Variants in ADGRV1 observed in about 807,000 individuals in gnomAD.
ADGRV1 encodes the protein G-protein coupled receptor 98.
A neutral mutation model predicts 596.2 loss-of-function variants in ADGRV1; 359 were observed. The observed-to-expected ratio is 0.60, with a 90% CI of 0.55 to 0.66. The LOEUF is 0.66. Ranked by LOEUF, ADGRV1 falls within the 30% of genes least tolerant of loss-of-function variation. The probability of loss-of-function intolerance (pLI) is 0.00; values close to 1 mark genes in which losing one functional copy is unlikely to be tolerated. For synonymous variants in ADGRV1, 2,681 were observed against 2,679.2 expected, an observed-to-expected ratio of 1.00 and a Z score of -0.02; for missense variants, 7,274 against 7,575.6, an observed-to-expected ratio of 0.96 and a Z score of 1.48.
At chr5:91,025,407 T>A (rs963177846) in intron 85 of ADGRV1, among the ~76,000 whole-genome samples, 1 of 152,030 alleles carries the variant, frequency 6.6e-6, no homozygotes, top group African/African-American at 2.4e-5. Context: ...ATTATCAAAA[T>A]AGATGCATAA....
chr5:90,593,003 G>A (rs1227763890), intron 1 of ADGRV1, among the ~76,000 whole-genome samples: 1 of 152,200 alleles, frequency 6.6e-6, no homozygotes. Flanking sequence ...TTTGATGGGA[G>A]TGTAAATTAG....
intron 37 of ADGRV1, among the ~76,000 whole-genome samples, chr5:90,706,005 A>G (rs1045105847): frequency 1.3e-5 from 2 of 152,168 alleles, no homozygotes; most frequent in Non-Finnish European, 2.9e-5. Context: ...AAAACAAGTC[A>G]CATATCCAAA....
At chr5:90,824,327 A>T (rs1305985132) in intron 76 of ADGRV1, among the ~76,000 whole-genome samples, 1 of 152,190 alleles carries the variant, frequency 6.6e-6, no homozygotes, top group Admixed American at 6.5e-5. Context: ...TTTTTCCCTG[A>T]TGTAAGACAG....
chr5:91,143,745 TGG>T (rs1487288903), intron 87 of ADGRV1, among the ~76,000 whole-genome samples: 4 of 152,124 alleles, frequency 2.6e-5, no homozygotes, highest in Non-Finnish European at 4.4e-5. Context: ...AGCTTGAAGG[TGG>T]GGCCTCAACA....
intron 83 of ADGRV1, among the ~76,000 whole-genome samples, chr5:90,885,911 A>G (rs908427993): frequency 1.3e-5 from 2 of 151,820 alleles, no homozygotes; most frequent in African/African-American, 2.4e-5. Context: ...GAAGGGAGGG[A>G]AGGAGGGTGG....
chr5:90,935,168 A>G (rs1054771575), intron 83 of ADGRV1, among the ~76,000 whole-genome samples: 1 of 152,224 alleles, frequency 6.6e-6, no homozygotes, highest in African/African-American at 2.4e-5. Flanking sequence ...CAGTGAAAGT[A>G]TTAAGCATAT....
chr5:90,651,904 A>G (rs939451962), intron 18 of ADGRV1, among the ~76,000 whole-genome samples, 174 bp downstream of exon 18: 1 of 150,200 alleles, frequency 6.7e-6, no homozygotes, highest in Non-Finnish European at 1.5e-5. Flanking sequence ...CTTATCTTCA[A>G]AAAAAAAAAT....
intron 83 of ADGRV1, among the ~76,000 whole-genome samples, chr5:90,956,478 C>G (rs1777489820): frequency 6.6e-6 from 1 of 152,164 alleles, no homozygotes; most frequent in Admixed American, 6.5e-5. Context: ...TAATTATGTT[C>G]ACTCCAGATA....
rs1379789287 is a variant in ADGRV1 at position 90,651,584 on chromosome 5, C to CT, written c.3290-16dup. The CT allele has an allele frequency of 5.6e-6, 8 of 1,430,620 alleles. No individual in the cohort carries two copies. The African/African-American group carries it at 8.6e-5, about 15-fold the overall frequency. The allele number at this position is 1,430,620 out of a possible 1,614,324, so 88.6% of individuals were successfully genotyped here. A position where few individuals can be genotyped will look rare whatever the true frequency, so the allele number is the denominator to read the frequency against. On this transcript the variant is annotated intron_variant, in intron 17 of 89. Transcript: ENST00000405460. ...GTTAGCTACTTCTTTGTTATTTTGT[C>CT]TTTTCCACTTTTAATTTAGGTGATA...
intron 84 of ADGRV1, among the ~76,000 whole-genome samples, chr5:90,984,263 C>T (rs1262621975): frequency 6.6e-6 from 1 of 152,050 alleles, no homozygotes; most frequent in Non-Finnish European, 1.5e-5. Flanking sequence ...CTCTTTCTAC[C>T]ATACAAAATT....
chr5:91,153,103 G>A lies in ADGRV1; in HGVS notation c.18625-118G>A. The stretch of plus-strand genomic sequence containing the variant: ...GGTCTAGTTTCAAAACAATGCCACT[G>A]CCGTTTAGCAAGGTCTTTGTACGGA... On this transcript the variant is annotated intron_variant, in intron 88 of 89. Coordinates refer to ENST00000405460, the MANE Select transcript of ADGRV1 (RefSeq NM_032119.4). The A allele has an allele frequency of 4.1e-6, 3 of 732,210 alleles. 1 individual carries two copies. The South Asian group carries it at 6.1e-5, about 15-fold the overall frequency. 45.4% of individuals were successfully genotyped at this position (732,210 alleles called of 1,614,324 possible).
At position 90,684,124 on chromosome 5, in the gene ADGRV1, C is replaced by A. The variant is rs762362349; in HGVS notation, c.6203C>A (p.Pro2068Gln). ...IAISILDDDE[P>Q]ERSESVFIEL... The stretch of plus-strand genomic sequence containing the variant: ...ATTTCAATTTTGGATGATGATGAGC[C>A]AGAAAGGTCCGAATCTGTCTTTATC... Residue 2068 changes from proline to glutamine, a missense_variant, in exon 28 of 90, where the codon CCA becomes CAA. Physicochemically the swap from Pro to Gln is moderately conservative, Grantham distance 76. This residue lies in a region of ADGRV1 where 3,643 missense variants were observed against 3,809.2 expected (regional missense o/e 0.96). Transcript: ENST00000405460. The A allele has an allele frequency of 1.2e-6, 2 of 1,613,820 alleles. No homozygotes were observed. The highest frequency in any genetic ancestry group is 8.5e-7 in the Non-Finnish European group (1 of 1,179,836).
At chr5:90,844,008 T>C (rs749897183) in intron 78 of ADGRV1, among the ~76,000 whole-genome samples, 7 of 152,198 alleles carry the variant, frequency 4.6e-5, no homozygotes, top group Admixed American at 1.3e-4. Flanking sequence ...TCAGTTAAGT[T>C]TGAATTTCAG....
chr5:91,162,281 G>A (rs73773307), intron 89 of ADGRV1, among the ~76,000 whole-genome samples: 1 of 150,846 alleles, frequency 6.6e-6, no homozygotes, highest in Non-Finnish European at 1.5e-5. Flanking sequence ...ATAATCCAGT[G>A]GGGGGGTCAG....
intron 1 of ADGRV1, among the ~76,000 whole-genome samples, chr5:90,593,088 C>A (rs1561343699): frequency 6.6e-6 from 1 of 152,144 alleles, no homozygotes; most frequent in Non-Finnish European, 1.5e-5. Flanking sequence ...CCCAGCAATC[C>A]TGTTACTTGG....
At chr5:90,739,407 C>T (rs1753673690) in intron 50 of ADGRV1, among the ~76,000 whole-genome samples, 1 of 151,964 alleles carries the variant, frequency 6.6e-6, no homozygotes, top group Admixed American at 6.6e-5. Flanking sequence ...AAACAGCCAC[C>T]CTTTTCAGGC....
chr5:90,972,610 A>T (rs5956462), intron 84 of ADGRV1, among the ~76,000 whole-genome samples: 1 of 152,160 alleles, frequency 6.6e-6, no homozygotes, highest in African/African-American at 2.4e-5. Flanking sequence ...CTACTGGGTA[A>T]ATAACGAAGT....
At chr5:90,795,719 C>G (rs1041520535) in intron 70 of ADGRV1, among the ~76,000 whole-genome samples, 3 of 152,222 alleles carry the variant, frequency 2.0e-5, no homozygotes, top group Admixed American at 6.5e-5. Flanking sequence ...CCTCCCAGTA[C>G]AGGCTGACAG....
At chr5:90,740,607 A>G (rs1380262644) in intron 50 of ADGRV1, among the ~76,000 whole-genome samples, 1 of 152,120 alleles carries the variant, frequency 6.6e-6, no homozygotes, top group African/African-American at 2.4e-5. Context: ...TCCACTGGCC[A>G]CAAGGCAGAG....
Sources: allele counts gnomAD v4.1 joint callset (sites outside exome capture counted in the v4.1 genomes callset), GRCh38; gene constraint gnomAD v4.1.1; regional missense constraint gnomAD v4.1.1; transcripts MANE v1.5; gene names NCBI Gene and HGNC (gene_info 2026-07-23, HGNC 2026-07-21).